The following NUFIP2 variants were observed in gnomAD, a reference collection of about 807,000 sequenced individuals.
NUFIP2 encodes nuclear FMR1 interacting protein 2, also known as FMR1-interacting protein NUFIP2.
In NUFIP2, 6 loss-of-function variants were observed where a neutral mutation model predicts 56.9. The ratio of observed to expected loss-of-function variants is 0.11; its 90% CI spans 0.06 to 0.21. The LOEUF (loss-of-function observed/expected upper bound fraction) is 0.21, where lower values mean the gene tolerates loss of function less well. Among genes scored for constraint, NUFIP2 ranks in the 10% least tolerant of loss-of-function variants. NUFIP2 has a pLI of 1.00. For synonymous variants in NUFIP2, 321 were observed against 298.2 expected (o/e 1.08, Z -0.79); for missense variants, 828 against 826.8 (o/e 1.00, Z -0.02).
At chr17:29,291,668 T>C (rs1411265737) in intron 1 of NUFIP2, among the ~76,000 whole-genome samples, 1 of 152,224 alleles carries the variant, frequency 6.6e-6, no homozygotes, top group Non-Finnish European at 1.5e-5. Flanking sequence ...ACCGATGAGA[T>C]ACAATTTTTC....
chr17:29,288,522 T>G (rs2153012727), intron 1 of NUFIP2, among the ~76,000 whole-genome samples: 2 of 152,382 alleles, frequency 1.3e-5, no homozygotes, highest in South Asian at 4.1e-4. Context: ...ACTTGTCAAC[T>G]TTTTCTAAAG....
In NUFIP2 at chr17:29,256,572, TTTA is replaced by T. The variant is rs1206141230; in HGVS notation, c.*7964_*7966del. 1 of 152,164 alleles carries T rather than the reference TTTA, an allele frequency of 6.6e-6. No homozygotes were observed. Among genetic ancestry groups the T allele is most frequent in the East Asian group, 1.9e-4 (1 of 5,202 alleles). 9.4% of individuals were successfully genotyped at this position (152,164 alleles called of 1,614,324 possible). ...TTGAAAAAGCTATAAAATGGAAATA[TTTA>T]TTTTTTATGTAGGAGCATGGGGAAA... On this transcript the variant is annotated 3_prime_UTR_variant, in exon 4 of 4. Coordinates refer to ENST00000225388, the MANE Select transcript of NUFIP2 (RefSeq NM_020772.3).
At chr17:29,278,603 T>C (rs1451359193) in intron 2 of NUFIP2, among the ~76,000 whole-genome samples, 2 of 20,792 alleles carry the variant, frequency 9.6e-5, no homozygotes, top group Non-Finnish European at 1.8e-4. Flanking sequence ...ACTACTATGA[T>C]AGTAATAGCT....
intron 2 of NUFIP2, among the ~76,000 whole-genome samples, chr17:29,269,675 C>T (rs189433179): frequency 4.3e-4 from 66 of 152,034 alleles, no homozygotes; most frequent in Admixed American, 1.6e-3. Flanking sequence ...GAGATGGGGT[C>T]TTGCTATGTT....
chr17:29,267,151 G>A (rs958109404), intron 3 of NUFIP2, among the ~76,000 whole-genome samples: 12 of 151,416 alleles, frequency 7.9e-5, no homozygotes, highest in African/African-American at 1.9e-4. Flanking sequence ...TGATCCACCC[G>A]CCTCAGCCTC....
chr17:29,275,187 AT>A (rs2069100197), intron 2 of NUFIP2, among the ~76,000 whole-genome samples: 2 of 151,916 alleles, frequency 1.3e-5, no homozygotes, highest in Non-Finnish European at 2.9e-5. Context: ...TACCCGGCTA[AT>A]TTTTTGTATT....
intron 2 of NUFIP2, among the ~76,000 whole-genome samples, chr17:29,278,436 C>T (rs569559322): frequency 4.6e-5 from 7 of 151,968 alleles, no homozygotes; most frequent in East Asian, 3.9e-4. Flanking sequence ...TTAGTAGAGA[C>T]GGGGTTTCAC....
rs773857630 is a variant in NUFIP2 at position 29,287,042 on chromosome 17, G to A, written c.952C>T (p.Arg318Trp). Residue 318 changes from arginine to tryptophan, a missense_variant, in exon 2 of 4, where the codon CGG becomes TGG. Physicochemically the swap from Arg to Trp is moderately radical, Grantham distance 101 (BLOSUM62 -3). Coordinates refer to ENST00000225388, the MANE Select transcript of NUFIP2 (RefSeq NM_020772.3). Reference sequence around the variant, plus strand: ...GCTGAAGCATGCTTTCCTTTGGGCCGATCATCAAACTTTTTGCTGCTCACA... The same window carrying A: ...GCTGAAGCATGCTTTCCTTTGGGCCAATCATCAAACTTTTTGCTGCTCACA... Reference protein sequence around the residue: ...PGVSSKKFDDRPKGKHASAVA... With the variant: ...PGVSSKKFDDWPKGKHASAVA... The A allele has an allele frequency of 5.6e-6, 9 of 1,613,996 alleles. No individual in the cohort carries two copies. The highest frequency in any genetic ancestry group is 2.2e-5 in the East Asian group (1 of 44,894).
At chr17:29,264,872 T>G (rs1484293899) in intron 3 of NUFIP2, among the ~76,000 whole-genome samples, 1 of 152,216 alleles carries the variant, frequency 6.6e-6, no homozygotes, top group Non-Finnish European at 1.5e-5. Flanking sequence ...AAGGGTTTTA[T>G]GTACTTCTAC....
chr17:29,281,930 A>T (rs1040808668), intron 2 of NUFIP2, among the ~76,000 whole-genome samples: 1 of 151,668 alleles, frequency 6.6e-6, no homozygotes, highest in African/African-American at 2.4e-5. Context: ...ACGCCCGGCT[A>T]ATTTTTTGTA....
intron 1 of NUFIP2, 133 bp downstream of exon 1, chr17:29,293,650 G>GT (rs1269652383): frequency 3.2e-6 from 3 of 942,444 alleles, no homozygotes; most frequent in Non-Finnish European, 4.5e-6. Flanking sequence ...AATGAAAGGG[G>GT]CATCCCCAGA....
intron 2 of NUFIP2, among the ~76,000 whole-genome samples, chr17:29,281,709 AC>A (rs1359858564): frequency 2.8e-5 from 4 of 142,088 alleles, no homozygotes; most frequent in East Asian, 2.2e-4. Flanking sequence ...AAAAAAAAAA[AC>A]AGCTAAAAGG....
Position 29,293,995 on chromosome 17 carries a change from T to TGATGGTGCG in NUFIP2, c.56_64dup (p.Pro19_His21dup). 6.2e-7 allele frequency: 1 copy of TGATGGTGCG among 1,612,710 alleles called. No homozygotes were observed. Among genetic ancestry groups the TGATGGTGCG allele is most frequent in the Non-Finnish European group, 8.5e-7 (1 of 1,179,220 alleles). ...CGGCTGCTGCTGCTGCTGCTGAGGGTGATGGTGCGGATGGTGGTGGCTGTG... is the reference window on the plus strand; with the variant it reads ...CGGCTGCTGCTGCTGCTGCTGAGGGTGATGGTGCGGATGGTGCGGATGGTGGTGGCTGTG... On this transcript the variant is annotated inframe_insertion, in exon 1 of 4. Transcript: ENST00000225388.
chr17:29,263,470 GAA>G lies in NUFIP2; in HGVS notation c.*1067_*1068del, dbSNP rs1270236857. On this transcript the variant is annotated 3_prime_UTR_variant, in exon 4 of 4. Transcript: ENST00000225388. The stretch of plus-strand genomic sequence containing the variant: ...TTATCTTCTCACTGGCTAAAAACAT[GAA>G]AAGTTTTAGTTTTCATGGACTTTTT... 6.6e-6 allele frequency: 1 copy of G among 152,530 alleles called. No homozygotes were observed. The highest frequency in any genetic ancestry group is 1.5e-5 in the Non-Finnish European group (1 of 68,006). 9.4% of individuals were successfully genotyped at this position (152,530 alleles called of 1,614,324 possible).
In NUFIP2 at chr17:29,287,579, C is replaced by T. The variant is rs1178257175; in HGVS notation, c.415G>A (p.Val139Ile). The T allele has an allele frequency of 6.2e-7, 1 of 1,613,940 alleles. No homozygotes were observed. The highest frequency in any genetic ancestry group is 1.3e-5 in the African/African-American group (1 of 74,862). The change falls in exon 2 of 4, where the codon GTA becomes ATA. Residue 139 changes from valine (V) to isoleucine (I), a missense_variant. By Grantham distance (29) the Val-to-Ile change is conservative. Coordinates refer to ENST00000225388, the MANE Select transcript of NUFIP2 (RefSeq NM_020772.3). ...GCTTTCCCAAAGGTGTTGGCCTTTA[C>T]AGTCTGCTTCAGGCTAGTGTCTACA... is the stretch of plus-strand genomic sequence containing the variant. ...QVVDTSLKQT[V>I]KANTFGKAGI...
intron 2 of NUFIP2, among the ~76,000 whole-genome samples, chr17:29,271,689 C>T (rs2069073669): frequency 6.6e-6 from 1 of 152,046 alleles, no homozygotes; most frequent in Non-Finnish European, 1.5e-5. Flanking sequence ...AAAAGTTTCC[C>T]TGAAACTCAA....
intron 1 of NUFIP2, among the ~76,000 whole-genome samples, chr17:29,292,885 G>GGA (rs916642481): frequency 3.4e-5 from 5 of 146,324 alleles, no homozygotes; most frequent in African/African-American, 9.9e-5. Flanking sequence ...CGGCGACGGG[G>GGA]GGGGGGGCGG....
chr17:29,270,279 C>T (rs1441873173), intron 2 of NUFIP2, among the ~76,000 whole-genome samples: 1 of 146,366 alleles, frequency 6.8e-6, no homozygotes, highest in African/African-American at 2.6e-5. Context: ...TCCCTTTCTC[C>T]TGAGAGGTCT....
intron 3 of NUFIP2, among the ~76,000 whole-genome samples, chr17:29,267,259 G>A (rs2069043506): frequency 6.7e-6 from 1 of 149,946 alleles, no homozygotes; most frequent in South Asian, 2.1e-4. Flanking sequence ...TGGCTATGCT[G>A]CCCAGGCTGG....
Sources: allele counts gnomAD v4.1 joint callset (sites outside exome capture counted in the v4.1 genomes callset), GRCh38; gene constraint gnomAD v4.1.1; transcripts MANE v1.5; gene names NCBI Gene and HGNC (gene_info 2026-07-23, HGNC 2026-07-21).